Variants in EXOC4 observed in about 807,000 individuals in gnomAD.
EXOC4 encodes SEC8-like 1.
Under a neutral mutation model 107.2 loss-of-function variants are expected in EXOC4, and 71 were observed. The ratio of observed to expected loss-of-function variants is 0.66; its 90% CI spans 0.55 to 0.81. The LOEUF is 0.81. Ranked by LOEUF, EXOC4 falls within the 30% of genes least tolerant of loss-of-function variation. EXOC4 has a pLI of 0.00. For missense variants in EXOC4, 1,108 were observed against 1,189.6 expected (o/e 0.93, Z 1.01); for synonymous variants, 456 against 441.2 (o/e 1.03, Z -0.42).
At chr7:133,937,356 A>G (rs1800327676) in intron 13 of EXOC4, among the ~76,000 whole-genome samples, 1 of 152,222 alleles carries the variant, frequency 6.6e-6, no homozygotes, top group African/African-American at 2.4e-5. Context: ...GATCCTTTTT[A>G]GAACAACTAA....
intron 10 of EXOC4, among the ~76,000 whole-genome samples, chr7:133,807,069 G>A (rs1016994519): frequency 3.9e-5 from 6 of 152,252 alleles, no homozygotes; most frequent in East Asian, 1.9e-4. Context: ...ATGTGAAATC[G>A]GAAGATATGG....
At chr7:133,597,875 G>T (rs926673814) in intron 9 of EXOC4, among the ~76,000 whole-genome samples, 3 of 152,022 alleles carry the variant, frequency 2.0e-5, no homozygotes, top group African/African-American at 7.2e-5. Context: ...AGCCAGGCAT[G>T]TTGGCGGCGG....
At chr7:133,305,069 CTTTT>C (rs776307665) in intron 3 of EXOC4, among the ~76,000 whole-genome samples, 2 of 141,620 alleles carry the variant, frequency 1.4e-5, no homozygotes, top group African/African-American at 2.6e-5. Context: ...TGCATGCTGT[CTTTT>C]TTTTTTTTTT....
chr7:133,614,088 T>C (rs746231391), intron 9 of EXOC4, among the ~76,000 whole-genome samples: 17 of 151,980 alleles, frequency 1.1e-4, no homozygotes, highest in Admixed American at 2.6e-4. Context: ...AAGAAACCCA[T>C]TGAGGAAAAA....
At chr7:133,570,509 A>T (rs1170834981) in intron 9 of EXOC4, among the ~76,000 whole-genome samples, 1 of 152,226 alleles carries the variant, frequency 6.6e-6, no homozygotes, top group Non-Finnish European at 1.5e-5. Flanking sequence ...GGAAAAGTGC[A>T]GATAACCTGA....
At chr7:133,340,112 C>G (rs1267459263) in intron 5 of EXOC4, among the ~76,000 whole-genome samples, 1 of 152,082 alleles carries the variant, frequency 6.6e-6, no homozygotes, top group African/African-American at 2.4e-5. Context: ...GTGCTTTCAA[C>G]TTTTTCCCAT....
At chr7:133,654,736 C>G (rs1585057114) in intron 10 of EXOC4, among the ~76,000 whole-genome samples, 1 of 151,986 alleles carries the variant, frequency 6.6e-6, no homozygotes, top group Middle Eastern at 3.2e-3. Flanking sequence ...CTGAGAAATG[C>G]GCCATTAGGT....
chr7:133,576,399 C>A, intron 9 of EXOC4: 1 of 1,024,672 alleles, frequency 9.8e-7, no homozygotes, highest in African/African-American at 1.7e-5. Context: ...AATCTGTTGT[C>A]TCCGTCACAG....
intron 9 of EXOC4, chr7:133,484,335 G>A: frequency 1.9e-6 from 1 of 529,038 alleles, no homozygotes; most frequent in Non-Finnish European, 3.1e-6. Context: ...GATACCAGGT[G>A]GAGATCTAAC....
At chr7:133,533,595 C>G (rs1800220212) in intron 9 of EXOC4, among the ~76,000 whole-genome samples, 1 of 152,062 alleles carries the variant, frequency 6.6e-6, no homozygotes, top group Admixed American at 6.6e-5. Context: ...ATACCTAGCT[C>G]TAGGGGTAGC....
chr7:134,027,997 G>A (rs1299212810), intron 17 of EXOC4, among the ~76,000 whole-genome samples: 1 of 152,188 alleles, frequency 6.6e-6, no homozygotes, highest in African/African-American at 2.4e-5. Context: ...ACAGACTCAT[G>A]TCAGGAGCTC....
At chr7:133,556,298 C>T (rs1800689489) in intron 9 of EXOC4, among the ~76,000 whole-genome samples, 3 of 152,206 alleles carry the variant, frequency 2.0e-5, no homozygotes, top group Admixed American at 2.0e-4. Flanking sequence ...ATAGTCCCTT[C>T]TGGCTGTTTC....
At chr7:133,651,418 T>C (rs764890658) in intron 10 of EXOC4, among the ~76,000 whole-genome samples, 2 of 152,216 alleles carry the variant, frequency 1.3e-5, no homozygotes, top group African/African-American at 4.8e-5. Flanking sequence ...GTATTTGTTT[T>C]GAATTGAACA....
intron 9 of EXOC4, among the ~76,000 whole-genome samples, chr7:133,520,008 TAGAA>T (rs1799950863): frequency 6.6e-6 from 1 of 151,906 alleles, no homozygotes; most frequent in Non-Finnish European, 1.5e-5. Flanking sequence ...ACAAAAAAAT[TAGAA>T]GGTAAAAGTA....
intron 14 of EXOC4, among the ~76,000 whole-genome samples, chr7:133,983,370 A>G (rs766038939): frequency 6.6e-6 from 1 of 152,242 alleles, no homozygotes; most frequent in South Asian, 2.1e-4. Context: ...TGAGTGATGC[A>G]GCTGCCTCAG....
chr7:133,708,541 G>A lies in EXOC4; in HGVS notation c.1514+78400G>A, dbSNP rs555540637. ...TGCAGAACAGACAAGATTCCCTGCC[G>A]TTGTAGAGGTTAAATTCTGATGAGA... is the stretch of plus-strand genomic sequence containing the variant. On this transcript the variant is annotated intron_variant, in intron 10 of 17. Transcript: ENST00000253861. Among the ~76,000 whole-genome samples, 28 of 152,288 alleles carry A rather than the reference G, an allele frequency of 1.8e-4. 1 individual carries two copies. The South Asian group carries it at 2.3e-3, about 12-fold the overall frequency.
intron 7 of EXOC4, among the ~76,000 whole-genome samples, chr7:133,426,265 G>C (rs1797724581): frequency 6.6e-6 from 1 of 152,152 alleles, no homozygotes; most frequent in Non-Finnish European, 1.5e-5. Context: ...GGGGTTATGT[G>C]TCTGTAATTG....
At chr7:133,803,226 T>C (rs922652641) in intron 10 of EXOC4, among the ~76,000 whole-genome samples, 1 of 152,208 alleles carries the variant, frequency 6.6e-6, no homozygotes, top group Non-Finnish European at 1.5e-5. Flanking sequence ...TCTGAAATAA[T>C]TTTTTCCATT....
chr7:133,454,568 A>T (rs1584930317), intron 7 of EXOC4, among the ~76,000 whole-genome samples: 1 of 152,188 alleles, frequency 6.6e-6, no homozygotes, highest in South Asian at 2.1e-4. Flanking sequence ...AAGTGCTGGG[A>T]TTATAGGCGT....
Sources: allele counts gnomAD v4.1 joint callset (sites outside exome capture counted in the v4.1 genomes callset), GRCh38; gene constraint gnomAD v4.1.1; transcripts MANE v1.5; gene names NCBI Gene and HGNC (gene_info 2026-07-23, HGNC 2026-07-21).